The following TRMT9B variants were observed in gnomAD, a reference collection of about 807,000 sequenced individuals.
TRMT9B encodes tRNA methyltransferase 9B (putative), also known as probable tRNA methyltransferase 9B.
TRMT9B carries 16 observed loss-of-function variants against 11.5 expected under a neutral mutation model. The ratio of observed to expected loss-of-function variants is 1.39; its 90% confidence interval spans 0.94 to 2.11. TRMT9B has a LOEUF of 2.11. TRMT9B is among the 30% of genes most tolerant of loss of function. The pLI, the probability that TRMT9B is intolerant of heterozygous loss-of-function variation, is 0.00. For missense variants in TRMT9B, 941 were observed against 553.8 expected, an observed-to-expected ratio of 1.70 and a Z score of -7.02; for synonymous variants, 274 against 192.4, an observed-to-expected ratio of 1.42 and a Z score of -3.51.
At chr8:13,011,795 G>C in intron 3 of TRMT9B, 1 of 955,502 alleles carries the variant, frequency 1.0e-6, no homozygotes, top group Non-Finnish European at 1.2e-6. Context: ...TGGACCCATA[G>C]AGATCATTTT....
chr8:12,989,453 T>G (rs780673015), intron 1 of TRMT9B, among the ~76,000 whole-genome samples: 1 of 152,206 alleles, frequency 6.6e-6, no homozygotes, highest in African/African-American at 2.4e-5. Flanking sequence ...TTTGGGTGCC[T>G]GATTTGGGCG....
rs1190894540 is a variant in TRMT9B at position 13,025,926 on chromosome 8, A to G, written c.*3882A>G. ...AAATTTGGAGTAATCCAGAGAAAAA[A>G]CCATCCAAATATAAACCAGCTAGGA... On this transcript the variant is annotated 3_prime_UTR_variant, in exon 5 of 5. Transcript: ENST00000524591. The G allele has an allele frequency of 6.0e-6, 1 of 166,920 alleles. No homozygotes were observed. Among genetic ancestry groups the G allele is most frequent in the East Asian group, 1.9e-4 (1 of 5,206 alleles). 10.3% of individuals were successfully genotyped at this position (166,920 alleles called of 1,614,324 possible).
intron 2 of TRMT9B, among the ~76,000 whole-genome samples, chr8:12,992,502 G>C (rs572319586): frequency 6.6e-6 from 1 of 151,996 alleles, no homozygotes; most frequent in African/African-American, 2.4e-5. Flanking sequence ...TTGTCTCTGT[G>C]GTATCTGAAG....
intron 3 of TRMT9B, chr8:13,011,337 T>C: frequency 1.0e-6 from 1 of 985,404 alleles, no homozygotes; most frequent in Non-Finnish European, 1.2e-6. Context: ...CTGGCATTAA[T>C]GAATCTTAAG....
At chr8:12,987,069 A>G (rs1230593117) in intron 1 of TRMT9B, among the ~76,000 whole-genome samples, 1 of 152,104 alleles carries the variant, frequency 6.6e-6, no homozygotes, top group Non-Finnish European at 1.5e-5. Flanking sequence ...CCAGCCTCTT[A>G]TTTCGCCATT....
chr8:13,011,352 C>G, intron 3 of TRMT9B: 1 of 985,220 alleles, frequency 1.0e-6, no homozygotes, highest in Non-Finnish European at 1.2e-6. Context: ...CTTAAGTTTG[C>G]TTTTACTGTA....
In TRMT9B at chr8:13,022,677, A is replaced by C. The variant is rs926319744; in HGVS notation, c.*633A>C. ...TTGACATGTGATAATAAGGTTTTCA[A>C]TGTAGCCCAGGAGGTTTTTAAAGGC... is the stretch of plus-strand genomic sequence containing the variant. On this transcript the variant is annotated 3_prime_UTR_variant, in exon 5 of 5. Transcript: ENST00000524591. 6.0e-6 allele frequency: 1 copy of C among 167,122 alleles called. No individual in the cohort carries two copies. The highest frequency in any genetic ancestry group is 6.5e-5 in the Admixed American group (1 of 15,282). The allele number at this position is 167,122 out of a possible 1,614,324, so 10.4% of individuals were successfully genotyped here. A position where few individuals can be genotyped will look rare whatever the true frequency, so the allele number is the denominator to read the frequency against.
At chr8:12,992,267 A>G (rs988022217) in intron 2 of TRMT9B, among the ~76,000 whole-genome samples, 8 of 152,226 alleles carry the variant, frequency 5.3e-5, no homozygotes, top group Admixed American at 2.0e-4. Flanking sequence ...CCAAAAACTT[A>G]TAATCTATTT....
intron 1 of TRMT9B, among the ~76,000 whole-genome samples, chr8:12,977,768 A>G (rs943249097): frequency 6.6e-6 from 1 of 151,992 alleles, no homozygotes; most frequent in Admixed American, 6.6e-5. Flanking sequence ...TAATCTCAAC[A>G]CTTTGGGAGG....
At position 13,024,707 on chromosome 8, in the gene TRMT9B, G is replaced by T. The variant is rs930507329; in HGVS notation, c.*2663G>T. 1 of 167,052 alleles carries T rather than the reference G, an allele frequency of 6.0e-6. No individual in the cohort carries two copies. Among genetic ancestry groups the T allele is most frequent in the Non-Finnish European group, 1.5e-5 (1 of 68,122 alleles). 10.3% of individuals were successfully genotyped at this position (167,052 alleles called of 1,614,324 possible). A position where few individuals can be genotyped will look rare whatever the true frequency, so the allele number is the denominator to read the frequency against. On this transcript the variant is annotated 3_prime_UTR_variant, in exon 5 of 5. Coordinates refer to ENST00000524591, the MANE Select transcript of TRMT9B (RefSeq NM_020844.3). Reference sequence around the variant, plus strand: ...GTTCTCTAGAACGGTTCTTTGGAGAGAAATATTTTCATGTACGTTTGACAG... The same window carrying T: ...GTTCTCTAGAACGGTTCTTTGGAGATAAATATTTTCATGTACGTTTGACAG...
At chr8:12,975,549 C>T (rs1013360705) in intron 1 of TRMT9B, among the ~76,000 whole-genome samples, 1 of 151,950 alleles carries the variant, frequency 6.6e-6, no homozygotes, top group African/African-American at 2.4e-5. Flanking sequence ...CCAGCCTGGC[C>T]AACATGGCGA....
rs560565773 is a variant in TRMT9B, at chr8:13,027,958, T to C, written c.*5914T>C. On this transcript the variant is annotated 3_prime_UTR_variant, in exon 5 of 5. Transcript: ENST00000524591. ...ACCTCAGTTATCTACAACACTGAGG[T>C]GCAAACATTTAAAAAGATCTCTCAC... The C allele has an allele frequency of 6.0e-6, 1 of 166,994 alleles. No individual in the cohort carries two copies. Among genetic ancestry groups the C allele is most frequent in the African/African-American group, 2.4e-5 (1 of 41,476 alleles). The allele number at this position is 166,994 out of a possible 1,614,324, so 10.3% of individuals were successfully genotyped here. A position where few individuals can be genotyped will look rare whatever the true frequency, so the allele number is the denominator to read the frequency against.
At chr8:12,984,237 T>C (rs927631515) in intron 1 of TRMT9B, among the ~76,000 whole-genome samples, 1 of 152,226 alleles carries the variant, frequency 6.6e-6, no homozygotes, top group African/African-American at 2.4e-5. Context: ...CTAAGAAATG[T>C]CATTCTGTCT....
At chr8:12,969,597 C>G (rs1267453497) in intron 1 of TRMT9B, among the ~76,000 whole-genome samples, 2 of 152,070 alleles carry the variant, frequency 1.3e-5, no homozygotes, top group Non-Finnish European at 2.9e-5. Context: ...AATAATGTAT[C>G]TCTTATTTGT....
At chr8:12,974,009 ATTTT>A (rs570551082) in intron 1 of TRMT9B, among the ~76,000 whole-genome samples, 171 of 151,924 alleles carry the variant, frequency 1.1e-3, no homozygotes, top group African/African-American at 3.5e-3. Flanking sequence ...ATATATTAAA[ATTTT>A]TTTTTTAAAA....
intron 1 of TRMT9B, among the ~76,000 whole-genome samples, chr8:12,985,379 T>A (rs951247401): frequency 1.3e-5 from 2 of 152,214 alleles, no homozygotes; most frequent in African/African-American, 4.8e-5. Flanking sequence ...ATTAAGGAGT[T>A]CTGTGTAGAG....
intron 1 of TRMT9B, among the ~76,000 whole-genome samples, chr8:12,963,132 A>C (rs1455704972): frequency 6.6e-6 from 1 of 152,246 alleles, no homozygotes; most frequent in Non-Finnish European, 1.5e-5. Context: ...AATAGTAATC[A>C]CTAAACCATG....
intron 1 of TRMT9B, among the ~76,000 whole-genome samples, chr8:12,962,672 G>A (rs1407689057): frequency 6.6e-6 from 1 of 151,972 alleles, no homozygotes; most frequent in East Asian, 1.9e-4. Flanking sequence ...TATATTTTTT[G>A]TAGAGACGGG....
intron 1 of TRMT9B, among the ~76,000 whole-genome samples, chr8:12,978,535 G>A (rs1199982404): frequency 6.7e-6 from 1 of 148,740 alleles, no homozygotes; most frequent in African/African-American, 2.4e-5. Flanking sequence ...TAGATAGATA[G>A]ATAGATAGAT....
Sources: allele counts gnomAD v4.1 joint callset (sites outside exome capture counted in the v4.1 genomes callset), GRCh38; gene constraint gnomAD v4.1.1; transcripts MANE v1.5; gene names NCBI Gene and HGNC (gene_info 2026-07-23, HGNC 2026-07-21).